Variants in TENM2 observed in about 807,000 individuals in gnomAD.
TENM2 encodes the protein teneurin-2.
Under a neutral mutation model 245.2 loss-of-function variants are expected in TENM2, and 52 were observed. The ratio of observed to expected loss-of-function variants is 0.21; its 90% CI spans 0.17 to 0.27. The LOEUF (loss-of-function observed/expected upper bound fraction) is 0.27, where lower values mean the gene tolerates loss of function less well. TENM2 is among the 10% of genes least tolerant of loss of function. The probability of loss-of-function intolerance (pLI) is 1.00; values close to 1 mark genes in which losing one functional copy is unlikely to be tolerated. For missense variants in TENM2, 3,046 were observed against 3,666.8 expected (o/e 0.83, Z 4.37); for synonymous variants, 1,363 against 1,438.9 (o/e 0.95, Z 1.19).
At chr5:167,817,369 C>T (rs964830377) in intron 2 of TENM2, among the ~76,000 whole-genome samples, 2 of 152,016 alleles carry the variant, frequency 1.3e-5, no homozygotes, top group Non-Finnish European at 2.9e-5. Flanking sequence ...GAAAAGGGTG[C>T]AATTATCTAT....
chr5:167,520,127 C>T lies in TENM2; in HGVS notation c.502+144654C>T, dbSNP rs1304580570. On this transcript the variant is annotated intron_variant, in intron 2 of 28. Coordinates refer to ENST00000518659, the Ensembl canonical transcript of TENM2. ...TACCAGATATTTAATCACCCAATGCCTTAATGCCTTAAACAGCCCAGCAAG... is the reference window on the plus strand; with the variant it reads ...TACCAGATATTTAATCACCCAATGCTTTAATGCCTTAAACAGCCCAGCAAG... Among the ~76,000 whole-genome samples the T allele has an allele frequency of 2.0e-5, 3 of 152,228 alleles. No homozygotes were observed. The East Asian group carries it at 5.8e-4, about 29-fold the overall frequency.
chr5:167,205,240 G>T, the TENM2 span, among the ~76,000 whole-genome samples: 4 of 152,110 alleles, frequency 2.6e-5, no homozygotes, highest in African/African-American at 9.7e-5. Flanking sequence ...AATTAGCTGG[G>T]CATGGTGGTG....
chr5:167,454,317 G>T (rs1194011097), intron 2 of TENM2, among the ~76,000 whole-genome samples: 1 of 152,162 alleles, frequency 6.6e-6, no homozygotes, highest in Non-Finnish European at 1.5e-5. Context: ...AAAATGAGAA[G>T]AACAGCAGCT....
the TENM2 span, among the ~76,000 whole-genome samples, chr5:167,137,712 G>A: frequency 3.3e-5 from 5 of 152,322 alleles, no homozygotes; most frequent in African/African-American, 1.2e-4. Context: ...ACTCATAGTT[G>A]TGAGTAATAT....
At chr5:167,572,579 A>C (rs1774343769) in intron 2 of TENM2, among the ~76,000 whole-genome samples, 1 of 152,106 alleles carries the variant, frequency 6.6e-6, no homozygotes, top group Admixed American at 6.5e-5. Context: ...TTTCACCAAT[A>C]ACTTATACCA....
In TENM2 at chr5:168,255,389, C is replaced by T. The variant is rs1158207768; in HGVS notation, c.7433-4894C>T. On this transcript the variant is annotated intron_variant, in intron 27 of 28. Transcript: ENST00000518659. Reference sequence around the variant, plus strand: ...CGGTCTTGGCTCACTGCAACCTCCACCTCCTGGTTTCAAGCAATTCTCCTG... The same window carrying T: ...CGGTCTTGGCTCACTGCAACCTCCATCTCCTGGTTTCAAGCAATTCTCCTG... 2.0e-5 allele frequency among the ~76,000 whole-genome samples: 3 copies of T among 152,196 alleles called. No homozygotes were observed. The East Asian group carries it at 5.8e-4, about 30-fold the overall frequency.
At chr5:167,584,670 G>A (rs922148758) in intron 2 of TENM2, among the ~76,000 whole-genome samples, 32 of 150,772 alleles carry the variant, frequency 2.1e-4, no homozygotes, top group African/African-American at 7.0e-4. Context: ...GTATTCTCCC[G>A]CCTCACACCT....
intron 1 of TENM2, among the ~76,000 whole-genome samples, chr5:167,305,249 G>T (rs989212199): frequency 2.0e-5 from 3 of 152,182 alleles, no homozygotes; most frequent in African/African-American, 7.2e-5. Context: ...AGCCAGAGCT[G>T]CAGCTTTGCC....
At chr5:167,085,044 G>C in the TENM2 span, among the ~76,000 whole-genome samples, 1 of 152,080 alleles carries the variant, frequency 6.6e-6, no homozygotes, top group African/African-American at 2.4e-5. Flanking sequence ...ATCCTTGAAG[G>C]CTACCTGAAG....
intron 2 of TENM2, among the ~76,000 whole-genome samples, chr5:167,567,823 G>A (rs1464177150): frequency 6.6e-6 from 1 of 151,986 alleles, no homozygotes; most frequent in Non-Finnish European, 1.5e-5. Flanking sequence ...TTTTTAAAAG[G>A]CCAGGGACTG....
At chr5:168,069,606 C>T (rs1373942282) in intron 7 of TENM2, among the ~76,000 whole-genome samples, 1 of 152,146 alleles carries the variant, frequency 6.6e-6, no homozygotes, top group African/African-American at 2.4e-5. Context: ...ATCTTCACAA[C>T]ACCATATGAG....
intron 2 of TENM2, among the ~76,000 whole-genome samples, chr5:167,686,036 A>T (rs41378648): frequency 0.23 from 35,526 of 152,180 alleles, 4,600 homozygotes; most frequent in East Asian, 0.52. Flanking sequence ...TATGTTTCTC[A>T]TAAGATTGAC....
intron 11 of TENM2, among the ~76,000 whole-genome samples, chr5:168,125,272 AT>A (rs920170228): frequency 6.6e-6 from 1 of 152,212 alleles, no homozygotes; most frequent in African/African-American, 2.4e-5. Flanking sequence ...CCGCAAATGC[AT>A]GAGGAGCCCA....
chr5:167,578,941 T>C (rs147052672), intron 2 of TENM2, among the ~76,000 whole-genome samples: 1 of 152,300 alleles, frequency 6.6e-6, no homozygotes, highest in Non-Finnish European at 1.5e-5. Flanking sequence ...AAGTAGAGTG[T>C]CATGCTTTTC....
At chr5:167,892,404 AC>A (rs1359987537) in intron 3 of TENM2, among the ~76,000 whole-genome samples, 1 of 152,148 alleles carries the variant, frequency 6.6e-6, no homozygotes, top group Non-Finnish European at 1.5e-5. Flanking sequence ...ATGCAACCAA[AC>A]TTTAACAGGG....
At chr5:167,224,958 A>G in the TENM2 span, among the ~76,000 whole-genome samples, 1 of 151,754 alleles carries the variant, frequency 6.6e-6, no homozygotes, top group Non-Finnish European at 1.5e-5. Flanking sequence ...ATTATTTTTC[A>G]TGGCTTATAT....
intron 13 of TENM2, among the ~76,000 whole-genome samples, chr5:168,173,924 A>C (rs2152475422): frequency 6.6e-6 from 1 of 152,338 alleles, no homozygotes; most frequent in South Asian, 2.1e-4. Flanking sequence ...GGAACGGCAA[A>C]TGCACAGAGG....
chr5:167,062,897 A>G, the TENM2 span, among the ~76,000 whole-genome samples: 1 of 152,186 alleles, frequency 6.6e-6, no homozygotes, highest in Non-Finnish European at 1.5e-5. Context: ...GGATCTGAGT[A>G]TTAGTACAGG....
intron 1 of TENM2, among the ~76,000 whole-genome samples, chr5:167,339,932 A>G (rs1757997345): frequency 1.3e-5 from 2 of 152,214 alleles, no homozygotes; most frequent in South Asian, 4.1e-4. Flanking sequence ...ACTCGACAAC[A>G]TATAGAACTA....
Sources: allele counts gnomAD v4.1 joint callset (sites outside exome capture counted in the v4.1 genomes callset), GRCh38; gene constraint gnomAD v4.1.1; transcripts MANE v1.5; gene names NCBI Gene and HGNC (gene_info 2026-07-23, HGNC 2026-07-21).